TRAF4: variants seen among roughly 807,000 people sequenced by gnomAD.
The protein encoded by TRAF4 is TNF receptor associated factor 4.
A neutral mutation model predicts 47.3 loss-of-function variants in TRAF4; 9 were observed. That is an observed-to-expected ratio of 0.19 (90% CI 0.11 to 0.33). The LOEUF is 0.33. Ranked by LOEUF, TRAF4 falls within the 10% of genes least tolerant of loss-of-function variation. The pLI is 1.00. For synonymous variants in TRAF4, 236 were observed against 236.9 expected, an observed-to-expected ratio of 1.00 and a Z score of 0.04; for missense variants, 448 against 620.3, an observed-to-expected ratio of 0.72 and a Z score of 2.95.
chr17:28,748,568 G>T lies in TRAF4; in HGVS notation c.682G>T (p.Gly228Cys). 2 of 1,613,504 alleles carry T rather than the reference G, an allele frequency of 1.2e-6. No homozygotes were observed. Among genetic ancestry groups the T allele is most frequent in the Non-Finnish European group, 1.7e-6 (2 of 1,179,978 alleles). Residue 228 changes from glycine (G) to cysteine (C), a missense_variant, in exon 6 of 7, where the codon GGC becomes TGC. Gly to Cys is a radical substitution (Grantham distance 159). Coordinates refer to ENST00000262395, the MANE Select transcript of TRAF4 (RefSeq NM_004295.4). ...TGCCTGCCCCAACCAATGTGGTGTG[G>T]GCACTGTGGCTCGGGAGGACCTGCC... ...PVACPNQCGVGTVAREDLPGH... is the reference protein window; with the variant it reads ...PVACPNQCGVCTVAREDLPGH...
At chr17:28,747,525 G>T in intron 2 of TRAF4, 1 of 577,296 alleles carries the variant, frequency 1.7e-6, no homozygotes, top group Non-Finnish European at 3.1e-6. Flanking sequence ...TCCCCTTCCG[G>T]TGGCAAGCCA....
chr17:28,746,366 G>A (rs775134037), intron 1 of TRAF4, among the ~76,000 whole-genome samples: 14 of 152,236 alleles, frequency 9.2e-5, no homozygotes, highest in Admixed American at 2.0e-4. Context: ...GGCTCCTTGG[G>A]TGCTGACGGC....
intron 2 of TRAF4, 187 bp from the exon 3 acceptor site, chr17:28,747,656 G>A: frequency 1.6e-6 from 1 of 622,854 alleles, no homozygotes; most frequent in South Asian, 2.0e-5. Context: ...GTGCAGGCAT[G>A]TTAGGACCCA....
Position 28,750,073 on chromosome 17 carries a change from T to C in TRAF4, c.*496T>C, listed in dbSNP as rs2034580396. On this transcript the variant is annotated 3_prime_UTR_variant, in exon 7 of 7. Coordinates refer to ENST00000262395, the MANE Select transcript of TRAF4 (RefSeq NM_004295.4). ...GATTTTTAATAAATCCGGAATTGTA[T>C]TTATTAATTTGCTTCCAGCCTGACT... The C allele has an allele frequency of 5.2e-6, 3 of 578,468 alleles. No homozygotes were observed. The East Asian group carries it at 8.6e-5, about 17-fold the overall frequency. 35.8% of individuals were successfully genotyped at this position (578,468 alleles called of 1,614,324 possible).
Position 28,749,665 on chromosome 17 carries a change from C to A in TRAF4, c.*88C>A. Reference sequence around the variant, plus strand: ...CTTGGAGAGGGGGCCGGACCCCCGTCAGCTGCTTCTGCTGCCTAGGTTCTG... The same window carrying A: ...CTTGGAGAGGGGGCCGGACCCCCGTAAGCTGCTTCTGCTGCCTAGGTTCTG... On this transcript the variant is annotated 3_prime_UTR_variant, in exon 7 of 7. Coordinates refer to ENST00000262395, the MANE Select transcript of TRAF4 (RefSeq NM_004295.4). The A allele has an allele frequency of 6.4e-7, 1 of 1,572,780 alleles. No individual in the cohort carries two copies. Among genetic ancestry groups the A allele is most frequent in the South Asian group, 1.2e-5 (1 of 86,232 alleles).
rs768115861 is a variant in TRAF4 at position 28,749,089 on chromosome 17, G to A, written c.925G>A (p.Val309Met). 7 of 1,613,990 alleles carry A rather than the reference G, an allele frequency of 4.3e-6. No individual in the cohort carries two copies. The highest frequency in any genetic ancestry group is 3.3e-5 in the South Asian group (3 of 91,092). The change falls in exon 7 of 7, where the codon GTG becomes ATG. Residue 309 changes from valine (V) to methionine (M), a missense_variant. Transcript: ENST00000262395. Reference protein sequence around the residue: ...LEELSVGSDGVLIWKIGSYGR... With the variant: ...LEELSVGSDGMLIWKIGSYGR... ...GGAGCTATCAGTGGGCAGTGATGGC[G>A]TGCTCATCTGGAAGATTGGCAGCTA...
At chr17:28,747,041 C>T (rs750237841) in intron 1 of TRAF4, 172 bp from the exon 2 acceptor site, 3 of 591,266 alleles carry the variant, frequency 5.1e-6, no homozygotes, top group Non-Finnish European at 8.4e-6. Flanking sequence ...CTGGGGTCTT[C>T]TGGGATCCTG....
rs1007248033 is a variant in TRAF4 at position 28,750,574 on chromosome 17, C to T, written c.*997C>T. 2.0e-5 allele frequency: 3 copies of T among 152,146 alleles called. No homozygotes were observed. The highest frequency in any genetic ancestry group is 2.0e-4 in the Admixed American group (3 of 15,266). 9.4% of individuals were successfully genotyped at this position (152,146 alleles called of 1,614,324 possible). Reference sequence around the variant, plus strand: ...TTAGTGAATGCTTTCTAACTCCGAACCCCAGCCACATCCAGGGACTGGGTG... The same window carrying T: ...TTAGTGAATGCTTTCTAACTCCGAATCCCAGCCACATCCAGGGACTGGGTG... On this transcript the variant is annotated 3_prime_UTR_variant, in exon 7 of 7. Transcript: ENST00000262395.
At position 28,750,597 on chromosome 17, in the gene TRAF4, G is replaced by C. The variant is rs1162267875; in HGVS notation, c.*1020G>C. 6.6e-6 allele frequency: 1 copy of C among 152,182 alleles called. No individual in the cohort carries two copies. The highest frequency in any genetic ancestry group is 1.5e-5 in the Non-Finnish European group (1 of 68,030). 9.4% of individuals were successfully genotyped at this position (152,182 alleles called of 1,614,324 possible). ...AACCCCAGCCACATCCAGGGACTGG[G>C]TGTTGAGCAAAAGGGGCCTTCAAGA... On this transcript the variant is annotated 3_prime_UTR_variant, in exon 7 of 7. Coordinates refer to ENST00000262395, the MANE Select transcript of TRAF4 (RefSeq NM_004295.4).
At position 28,744,116 on chromosome 17, in the gene TRAF4, C is replaced by G. The variant is rs770437953; in HGVS notation, c.4C>G (p.Pro2Ala). The change falls in exon 1 of 7, where the codon CCT becomes GCT. Residue 2 changes from proline to alanine, a missense_variant. Coordinates refer to ENST00000262395, the MANE Select transcript of TRAF4 (RefSeq NM_004295.4). M[P>A]GFDYKFLEKP... ...CCGTGCCGGCCGCTCGCCCGCCATG[C>G]CTGGCTTCGACTACAAGTTCCTGGA... 1 of 1,570,086 alleles carries G rather than the reference C, an allele frequency of 6.4e-7. No individual in the cohort carries two copies.
At chr17:28,744,960 TA>T (rs2034486300) in intron 1 of TRAF4, 1 of 152,406 alleles carries the variant, frequency 6.6e-6, no homozygotes, top group East Asian at 1.9e-4. Context: ...GGACGCAGGT[TA>T]GCCCTTGGCT....
intron 4 of TRAF4, 33 bp downstream of exon 4, chr17:28,748,211 G>C: frequency 1.2e-6 from 2 of 1,613,064 alleles, no homozygotes; most frequent in Non-Finnish European, 1.7e-6. Context: ...TGGAGGAGGG[G>C]GTACCTGATG....
Position 28,746,364 on chromosome 17 carries a change from G to C in TRAF4, c.144-849G>C, listed in dbSNP as rs145684715. On this transcript the variant is annotated intron_variant, in intron 1 of 6. Transcript: ENST00000262395. ...AAAGAAGCATGCCAACAGGCTCCTT[G>C]GGTGCTGACGGCCAGGTAGGGTTTG... Among the ~76,000 whole-genome samples, 243 of 152,370 alleles carry C rather than the reference G, an allele frequency of 1.6e-3. 1 individual carries two copies. The highest frequency in any genetic ancestry group is 5.4e-3 in the African/African-American group (224 of 41,590).
chr17:28,749,282 C>A lies in TRAF4; in HGVS notation c.1118C>A (p.Ala373Asp). 1 of 1,614,140 alleles carries A rather than the reference C, an allele frequency of 6.2e-7. No individual in the cohort carries two copies. ...CTGTACATTCGTGTGCTGCCTGGTGCCTTTGACAATCTCCTTGAGTGGCCC... is the reference window on the plus strand; with the variant it reads ...CTGTACATTCGTGTGCTGCCTGGTGACTTTGACAATCTCCTTGAGTGGCCC... The part of the protein sequence containing the change: ...LSLYIRVLPG[A>D]FDNLLEWPFA... The change falls in exon 7 of 7, where the codon GCC becomes GAC. Residue 373 changes from alanine (A) to aspartate (D), a missense_variant. Coordinates refer to ENST00000262395, the MANE Select transcript of TRAF4 (RefSeq NM_004295.4).
chr17:28,748,505 C>G lies in TRAF4; in HGVS notation c.625-6C>G. The G allele has an allele frequency of 6.2e-7, 1 of 1,612,178 alleles. No individual in the cohort carries two copies. The highest frequency in any genetic ancestry group is 8.5e-7 in the Non-Finnish European group (1 of 1,179,020). ...GACTCCTGCCTCTCTACTTCTGTGGCCCCAGAGCCACCAGTACCAGTGCCC... is the reference window on the plus strand; with the variant it reads ...GACTCCTGCCTCTCTACTTCTGTGGGCCCAGAGCCACCAGTACCAGTGCCC... On this transcript the variant is annotated splice_region_variant and splice_polypyrimidine_tract_variant and intron_variant, in intron 5 of 6. Transcript: ENST00000262395.
rs2034573725 is a variant in TRAF4, at chr17:28,749,750, C to A, written c.*173C>A. On this transcript the variant is annotated 3_prime_UTR_variant, in exon 7 of 7. Transcript: ENST00000262395. Reference sequence around the variant, plus strand: ...AGGTGCCTCCAATTGGTGCTTCAGCCCTGGCCCCTGTGGGGAACAGGTCTT... The same window carrying A: ...AGGTGCCTCCAATTGGTGCTTCAGCACTGGCCCCTGTGGGGAACAGGTCTT... 8.9e-6 allele frequency: 10 copies of A among 1,118,682 alleles called. No individual in the cohort carries two copies. The highest frequency in any genetic ancestry group is 1.5e-5 in the African/African-American group (1 of 64,920). 69.3% of individuals were successfully genotyped at this position (1,118,682 alleles called of 1,614,324 possible).
At position 28,744,119 on chromosome 17, in the gene TRAF4, G is replaced by C; in HGVS notation, c.7G>C (p.Gly3Arg). The stretch of plus-strand genomic sequence containing the variant: ...TGCCGGCCGCTCGCCCGCCATGCCT[G>C]GCTTCGACTACAAGTTCCTGGAGAA... MPGFDYKFLEKPK... is the reference protein window; with the variant it reads MPRFDYKFLEKPK... The change falls in exon 1 of 7, where the codon GGC (glycine) becomes CGC (arginine). Residue 3 changes from glycine to arginine, a missense_variant. Gly to Arg is a moderately radical substitution (Grantham distance 125). Transcript: ENST00000262395. 6.4e-7 allele frequency: 1 copy of C among 1,574,016 alleles called. No homozygotes were observed. Among genetic ancestry groups the C allele is most frequent in the Non-Finnish European group, 8.6e-7 (1 of 1,168,960 alleles).
chr17:28,748,066 G>A lies in TRAF4; in HGVS notation c.350G>A (p.Cys117Tyr). The change falls in exon 4 of 7, where the codon TGC (cysteine) becomes TAC (tyrosine). Residue 117 changes from cysteine to tyrosine, a missense_variant. Physicochemically the swap from Cys to Tyr is radical, Grantham distance 194 (BLOSUM62 -2). Coordinates refer to ENST00000262395, the MANE Select transcript of TRAF4 (RefSeq NM_004295.4). Reference protein sequence around the residue: ...SFNVIPCPNRCPMKLSRRDLP... With the variant: ...SFNVIPCPNRYPMKLSRRDLP... ...AATGTCATTCCCTGCCCTAATCGCT[G>A]CCCCATGAAGCTGAGCCGCCGTGAT... 6.2e-7 allele frequency: 1 copy of A among 1,614,040 alleles called. No individual in the cohort carries two copies. The highest frequency in any genetic ancestry group is 8.5e-7 in the Non-Finnish European group (1 of 1,180,026).
At position 28,750,591 on chromosome 17, in the gene TRAF4, G is replaced by A. The variant is rs555769970; in HGVS notation, c.*1014G>A. The A allele has an allele frequency of 3.9e-5, 6 of 152,334 alleles. No individual in the cohort carries two copies. In the South Asian group the frequency reaches 1.2e-3, roughly 32 times the overall value. The allele number at this position is 152,334 out of a possible 1,614,324, so 9.4% of individuals were successfully genotyped here. A position where few individuals can be genotyped will look rare whatever the true frequency, so the allele number is the denominator to read the frequency against. On this transcript the variant is annotated 3_prime_UTR_variant, in exon 7 of 7. Transcript: ENST00000262395. The stretch of plus-strand genomic sequence containing the variant: ...ACTCCGAACCCCAGCCACATCCAGG[G>A]ACTGGGTGTTGAGCAAAAGGGGCCT...
Sources: gnomAD v4.1 joint callset for allele counts (sites outside exome capture counted in the v4.1 genomes callset) on GRCh38, gnomAD v4.1.1 for gene constraint, MANE v1.5 for transcripts, NCBI Gene and HGNC (gene_info 2026-07-23, HGNC 2026-07-21) for gene names.